The following RSRC1 variants were observed in gnomAD, a reference collection of about 807,000 sequenced individuals.
RSRC1 encodes arginine and serine rich coiled-coil 1.
Under a neutral mutation model 49.1 loss-of-function variants are expected in RSRC1, and 39 were observed. That is an observed-to-expected ratio of 0.79 (90% confidence interval 0.61 to 1.04). The LOEUF is 1.04. Among genes scored for constraint, RSRC1 ranks in the 50% least tolerant of loss-of-function variants. The pLI is 0.00. For missense variants in RSRC1, 388 were observed against 402.4 expected (o/e 0.96, Z 0.31); for synonymous variants, 143 against 130.8 (o/e 1.09, Z -0.63).
intron 4 of RSRC1, among the ~76,000 whole-genome samples, chr3:158,233,438 GA>G (rs1723074793): frequency 6.6e-6 from 1 of 152,082 alleles, no homozygotes; most frequent in African/African-American, 2.4e-5. Flanking sequence ...TGAGAGTTAA[GA>G]AAAACATTAG....
chr3:158,278,169 A>G (rs1228798555), intron 4 of RSRC1, among the ~76,000 whole-genome samples: 1 of 152,182 alleles, frequency 6.6e-6, no homozygotes, highest in African/African-American at 2.4e-5. Flanking sequence ...ACAACCAACA[A>G]CGGACAAGTC....
chr3:158,525,878 C>G (rs1475614283), intron 7 of RSRC1, among the ~76,000 whole-genome samples: 2 of 151,780 alleles, frequency 1.3e-5, no homozygotes, highest in Admixed American at 6.6e-5. Context: ...GTCTGGGGGT[C>G]AGGGTAGAGA....
At chr3:158,229,244 A>G (rs1208440918) in intron 4 of RSRC1, among the ~76,000 whole-genome samples, 67 of 150,944 alleles carry the variant, frequency 4.4e-4, no homozygotes, top group African/African-American at 1.5e-3. Context: ...GTATGTATGT[A>G]TATAAACATA....
Position 158,354,912 on chromosome 3 carries a change from A to G in RSRC1, c.583+4A>G, listed in dbSNP as rs1262170263. 5.8e-6 allele frequency: 9 copies of G among 1,545,718 alleles called. No individual in the cohort carries two copies. Among genetic ancestry groups the G allele is most frequent in the African/African-American group, 1.4e-5 (1 of 70,534 alleles). On this transcript the variant is annotated splice_donor_region_variant and intron_variant, in intron 6 of 9. Transcript: ENST00000611884. ...CAGCTGGTTCTTGAAGCTGCTGGTAAGTGTTGATAATTAACTTTTATTAAA... is the reference window on the plus strand; with the variant it reads ...CAGCTGGTTCTTGAAGCTGCTGGTAGGTGTTGATAATTAACTTTTATTAAA...
chr3:158,222,557 A>G (rs775191866), intron 4 of RSRC1, among the ~76,000 whole-genome samples: 20 of 151,514 alleles, frequency 1.3e-4, no homozygotes, highest in African/African-American at 3.4e-4. Flanking sequence ...GCTTGTCATT[A>G]TTATTAGCTT....
chr3:158,471,333 T>A (rs1005781251), intron 7 of RSRC1, among the ~76,000 whole-genome samples: 2 of 152,190 alleles, frequency 1.3e-5, no homozygotes, highest in African/African-American at 4.8e-5. Context: ...TCTAAGTCTT[T>A]ATTTTTCCAT....
intron 6 of RSRC1, among the ~76,000 whole-genome samples, chr3:158,459,574 T>C (rs1737514940): frequency 1.3e-5 from 2 of 152,088 alleles, no homozygotes; most frequent in African/African-American, 4.8e-5. Flanking sequence ...ATTACACATA[T>C]AACCAAAATT....
chr3:158,486,008 CA>C (rs1221105579), intron 7 of RSRC1, among the ~76,000 whole-genome samples: 1 of 152,114 alleles, frequency 6.6e-6, no homozygotes, highest in African/African-American at 2.4e-5. Flanking sequence ...AACGTTCATT[CA>C]AAAGTGCTTG....
chr3:158,516,870 C>G lies in RSRC1; in HGVS notation c.653-20222C>G, dbSNP rs560538431. 5.3e-5 allele frequency among the ~76,000 whole-genome samples: 8 copies of G among 152,348 alleles called. No individual in the cohort carries two copies. The South Asian group carries it at 8.3e-4, about 16-fold the overall frequency. On this transcript the variant is annotated intron_variant, in intron 7 of 9. Transcript: ENST00000611884. ...AGTGACCCGATTTTCCAGGTGCCGT[C>G]TGTCACCCCTTTCTTTGACTAGGAA...
intron 7 of RSRC1, among the ~76,000 whole-genome samples, chr3:158,482,993 G>C (rs1224243726): frequency 6.6e-6 from 1 of 151,944 alleles, no homozygotes; most frequent in African/African-American, 2.4e-5. Flanking sequence ...ACAAATGGAG[G>C]ACAAATTAGA....
intron 4 of RSRC1, among the ~76,000 whole-genome samples, chr3:158,218,017 C>A (rs1722044645): frequency 6.6e-6 from 1 of 151,470 alleles, no homozygotes; most frequent in Admixed American, 6.6e-5. Flanking sequence ...TGGAGGGACA[C>A]TGATACGAAC....
At position 158,507,816 on chromosome 3, in the gene RSRC1, T is replaced by C. The variant is rs1358741167; in HGVS notation, c.653-29276T>C. Reference sequence around the variant, plus strand: ...GGCCAGGTATGATGGCTCACTCTTATAATCCCAGCACTTTGGGAGGCTGAG... The same window carrying C: ...GGCCAGGTATGATGGCTCACTCTTACAATCCCAGCACTTTGGGAGGCTGAG... On this transcript the variant is annotated intron_variant, in intron 7 of 9. Transcript: ENST00000611884. Among the ~76,000 whole-genome samples, 3 of 152,202 alleles carry C rather than the reference T, an allele frequency of 2.0e-5. No homozygotes were observed. The East Asian group carries it at 5.8e-4, about 29-fold the overall frequency.
At chr3:158,258,819 C>T (rs187868442) in intron 4 of RSRC1, among the ~76,000 whole-genome samples, 19 of 152,046 alleles carry the variant, frequency 1.2e-4, no homozygotes, top group Non-Finnish European at 2.2e-4. Context: ...TCTGCTTGAT[C>T]GGTTCTGCTA....
At chr3:158,372,674 A>AT (rs1164954777) in intron 6 of RSRC1, among the ~76,000 whole-genome samples, 5 of 151,830 alleles carry the variant, frequency 3.3e-5, no homozygotes, top group African/African-American at 1.2e-4. Flanking sequence ...ATTGATTACT[A>AT]TTTTTAAAAA....
chr3:158,526,960 G>T (rs1392114096), intron 7 of RSRC1, among the ~76,000 whole-genome samples: 1 of 151,530 alleles, frequency 6.6e-6, no homozygotes. Context: ...TCTAATCCAT[G>T]TAGGACTTTT....
At chr3:158,196,840 A>G (rs1720653981) in intron 3 of RSRC1, among the ~76,000 whole-genome samples, 1 of 152,212 alleles carries the variant, frequency 6.6e-6, no homozygotes. Context: ...CTTGCATCCC[A>G]GGGATGAAGC....
At chr3:158,181,290 G>A (rs1323218212) in intron 3 of RSRC1, among the ~76,000 whole-genome samples, 2 of 152,178 alleles carry the variant, frequency 1.3e-5, no homozygotes, top group African/African-American at 4.8e-5. Flanking sequence ...TTAGGCAAAT[G>A]TGGCATGCTA....
At chr3:158,443,021 A>G (rs1736468154) in intron 6 of RSRC1, among the ~76,000 whole-genome samples, 3 of 152,134 alleles carry the variant, frequency 2.0e-5, no homozygotes, top group South Asian at 2.1e-4. Flanking sequence ...GTGGGCTTCA[A>G]ATAATCATAA....
intron 5 of RSRC1, among the ~76,000 whole-genome samples, chr3:158,318,433 C>T (rs1441780199): frequency 6.6e-6 from 1 of 152,138 alleles, no homozygotes; most frequent in Non-Finnish European, 1.5e-5. Context: ...TTCTAAAAGA[C>T]AGTTAAAATA....
Sources: gnomAD v4.1 joint callset for allele counts (sites outside exome capture counted in the v4.1 genomes callset) on GRCh38, gnomAD v4.1.1 for gene constraint, MANE v1.5 for transcripts, NCBI Gene and HGNC (gene_info 2026-07-23, HGNC 2026-07-21) for gene names.